PVT1: variants seen among roughly 807,000 people sequenced by gnomAD.
The protein encoded by PVT1 is CXCR4/PVT1 fusion.
At chr8:127,812,483 A>C (rs1814608758) in intron 2 of PVT1, among the ~76,000 whole-genome samples, 1 of 151,772 alleles carries the variant, frequency 6.6e-6, no homozygotes, top group African/African-American at 2.4e-5. Context: ...TTGCTTGAGG[A>C]TGGGAAGTTG....
chr8:127,957,681 C>T (rs993546605), intron 3 of PVT1, among the ~76,000 whole-genome samples: 13 of 152,170 alleles, frequency 8.5e-5, no homozygotes, highest in Admixed American at 7.2e-4. Context: ...AGTCACTTGC[C>T]TAGGGCCAAA....
intron 2 of PVT1, among the ~76,000 whole-genome samples, chr8:127,862,994 A>G (rs1233062441): frequency 2.0e-5 from 3 of 152,124 alleles, no homozygotes; most frequent in African/African-American, 4.8e-5. Context: ...ACATTTCTTT[A>G]CAAATCTGCA....
intron 3 of PVT1, among the ~76,000 whole-genome samples, chr8:127,928,820 C>T (rs1816164301): frequency 6.6e-6 from 1 of 152,246 alleles, no homozygotes; most frequent in Non-Finnish European, 1.5e-5. Flanking sequence ...CCTCCAAATA[C>T]AGCAGGGCTG....
intron 3 of PVT1, among the ~76,000 whole-genome samples, chr8:127,966,451 A>G (rs1462757538): frequency 1.3e-5 from 2 of 152,172 alleles, no homozygotes; most frequent in African/African-American, 4.8e-5. Flanking sequence ...CTCACTATGG[A>G]ATTGTTTTCC....
chr8:127,941,080 G>A (rs866458402), intron 3 of PVT1, among the ~76,000 whole-genome samples: 3 of 152,300 alleles, frequency 2.0e-5, no homozygotes, highest in Middle Eastern at 3.4e-3. Flanking sequence ...TTTCTTGCTG[G>A]CTGTCCAGAT....
chr8:127,884,012 T>C (rs1815498041), intron 2 of PVT1, among the ~76,000 whole-genome samples: 3 of 152,240 alleles, frequency 2.0e-5, no homozygotes, highest in African/African-American at 4.8e-5. Flanking sequence ...TCCCTTTTTA[T>C]AGAAATAATG....
intron 3 of PVT1, among the ~76,000 whole-genome samples, chr8:127,913,048 C>T (rs1815926719): frequency 1.4e-5 from 2 of 147,870 alleles, no homozygotes; most frequent in Middle Eastern, 6.9e-3. Flanking sequence ...TGGGGTTTTA[C>T]CGTGTTGGCC....
chr8:127,806,915 A>G (rs1158507981), intron 2 of PVT1, among the ~76,000 whole-genome samples: 1 of 152,138 alleles, frequency 6.6e-6, no homozygotes, highest in Non-Finnish European at 1.5e-5. Flanking sequence ...TGTTGTATGG[A>G]TATACCACTG....
At chr8:127,804,688 C>T (rs1219513600) in intron 2 of PVT1, among the ~76,000 whole-genome samples, 1 of 150,330 alleles carries the variant, frequency 6.7e-6, no homozygotes, top group Non-Finnish European at 1.5e-5. Context: ...GCCACCGTGC[C>T]CGGCTAAATT....
At chr8:127,867,253 C>T (rs1004747829) in intron 2 of PVT1, among the ~76,000 whole-genome samples, 2 of 152,214 alleles carry the variant, frequency 1.3e-5, no homozygotes, top group East Asian at 1.9e-4. Context: ...GGCACACTTG[C>T]CTGGGAGGGT....
chr8:128,046,673 C>T (rs1813617435), intron 4 of PVT1, among the ~76,000 whole-genome samples: 1 of 152,240 alleles, frequency 6.6e-6, no homozygotes. Context: ...AGTCTGGCCA[C>T]TGGCTGAACA....
chr8:127,870,998 G>T (rs1815345696), intron 2 of PVT1, among the ~76,000 whole-genome samples: 1 of 152,208 alleles, frequency 6.6e-6, no homozygotes, highest in Non-Finnish European at 1.5e-5. Context: ...TGACTAGGGA[G>T]GGCAGGAAGT....
At chr8:128,035,754 G>A (rs1340480210) in intron 4 of PVT1, among the ~76,000 whole-genome samples, 1 of 152,200 alleles carries the variant, frequency 6.6e-6, no homozygotes, top group Non-Finnish European at 1.5e-5. Context: ...CCTTATTAGA[G>A]GGAGGCAGAG....
chr8:127,919,982 C>G (rs565422925), intron 3 of PVT1, among the ~76,000 whole-genome samples: 3 of 152,312 alleles, frequency 2.0e-5, no homozygotes, highest in Admixed American at 2.0e-4. Context: ...AAACACTTGG[C>G]CTGACACACC....
At chr8:128,097,532 C>T (rs1225005599) in intron 6 of PVT1, among the ~76,000 whole-genome samples, 1 of 152,192 alleles carries the variant, frequency 6.6e-6, no homozygotes, top group Non-Finnish European at 1.5e-5. Flanking sequence ...TATTGACCCT[C>T]TGGCCCTTTA....
intron 4 of PVT1, among the ~76,000 whole-genome samples, chr8:128,032,152 G>A (rs555400000): frequency 1.5e-4 from 23 of 152,298 alleles, no homozygotes; most frequent in African/African-American, 3.6e-4. Context: ...CTTAAGAGAC[G>A]GCTGAAGACC....
At chr8:127,824,498 G>A (rs527360592) in intron 2 of PVT1, among the ~76,000 whole-genome samples, 1 of 152,238 alleles carries the variant, frequency 6.6e-6, no homozygotes, top group African/African-American at 2.4e-5. Flanking sequence ...AGGAGCGTGG[G>A]TCATCATTTC....
chr8:127,878,795 A>G (rs988597930), intron 2 of PVT1, among the ~76,000 whole-genome samples: 1 of 152,176 alleles, frequency 6.6e-6, no homozygotes, highest in South Asian at 2.1e-4. Context: ...GCCTCCCTGG[A>G]TGCTGCCCAC....
intron 2 of PVT1, among the ~76,000 whole-genome samples, chr8:127,845,093 T>A (rs1440753066): frequency 6.6e-6 from 1 of 151,912 alleles, no homozygotes. Flanking sequence ...GGGGTGTTGG[T>A]TGTAGTAGTG....
Sources: gnomAD v4.1 joint callset for allele counts (sites outside exome capture counted in the v4.1 genomes callset) on GRCh38, gnomAD v4.1.1 for gene constraint, MANE v1.5 for transcripts, NCBI Gene and HGNC (gene_info 2026-07-23, HGNC 2026-07-21) for gene names.